The following FAM204A variants were observed in gnomAD, a reference collection of about 807,000 sequenced individuals.
The protein encoded by FAM204A is protein FAM204A.
In FAM204A, 16 loss-of-function variants were observed where a neutral mutation model predicts 35.4. That is an observed-to-expected ratio of 0.45 (90% CI 0.31 to 0.69). The LOEUF (loss-of-function observed/expected upper bound fraction) is 0.69. Among genes scored for constraint, FAM204A ranks in the 30% least tolerant of loss-of-function variants. The probability of loss-of-function intolerance (pLI) is 0.07; values close to 1 mark genes in which losing one functional copy is unlikely to be tolerated. For missense variants in FAM204A, 240 were observed against 265.7 expected, an observed-to-expected ratio of 0.90 and a Z score of 0.67; for synonymous variants, 76 against 86.9, an observed-to-expected ratio of 0.88 and a Z score of 0.70.
At chr10:118,325,050 T>G (rs1193316041) in intron 7 of FAM204A, among the ~76,000 whole-genome samples, 1 of 151,926 alleles carries the variant, frequency 6.6e-6, no homozygotes, top group Non-Finnish European at 1.5e-5. Context: ...GTATTTAATG[T>G]GACAAATGAT....
intron 7 of FAM204A, among the ~76,000 whole-genome samples, chr10:118,317,362 T>C (rs1846047721): frequency 6.6e-6 from 1 of 152,104 alleles, no homozygotes; most frequent in Non-Finnish European, 1.5e-5. Context: ...TTCTACAGTA[T>C]AAACTGTGCT....
In FAM204A at chr10:118,311,034, TA is replaced by T. The variant is rs1845944031; in HGVS notation, c.651-127del. 3 of 1,061,270 alleles carry T rather than the reference TA, an allele frequency of 2.8e-6. No individual in the cohort carries two copies. In the East Asian group the frequency reaches 7.4e-5, roughly 26 times the overall value. 65.7% of individuals were successfully genotyped at this position (1,061,270 alleles called of 1,614,324 possible). A position where few individuals can be genotyped will look rare whatever the true frequency, so the allele number is the denominator to read the frequency against. Reference sequence around the variant, plus strand: ...TTCACATACTCCAATGATTACAAAATAAACATTAAACAGGATGAAGAAATGC... The same window carrying T: ...TTCACATACTCCAATGATTACAAAATAACATTAAACAGGATGAAGAAATGC... On this transcript the variant is annotated intron_variant, in intron 8 of 8. Coordinates refer to ENST00000369183, the MANE Select transcript of FAM204A (RefSeq NM_022063.3).
chr10:118,327,357 C>G (rs76145857), intron 6 of FAM204A, among the ~76,000 whole-genome samples: 1 of 152,174 alleles, frequency 6.6e-6, no homozygotes, highest in Non-Finnish European at 1.5e-5. Context: ...AGACCAGTGA[C>G]GCTGTCACTG....
At chr10:118,327,648 C>T (rs1404224964) in intron 6 of FAM204A, among the ~76,000 whole-genome samples, 5 of 152,318 alleles carry the variant, frequency 3.3e-5, no homozygotes, top group African/African-American at 9.6e-5. Context: ...ACTTGATGCA[C>T]TTCAGAAATC....
chr10:118,317,745 T>A (rs140151634), intron 7 of FAM204A, among the ~76,000 whole-genome samples: 1 of 152,192 alleles, frequency 6.6e-6, no homozygotes, highest in African/African-American at 2.4e-5. Flanking sequence ...GTGCCAATTG[T>A]TGATCTACAT....
intron 7 of FAM204A, among the ~76,000 whole-genome samples, chr10:118,320,406 G>A (rs1425073374): frequency 6.6e-6 from 1 of 151,654 alleles, no homozygotes; most frequent in Non-Finnish European, 1.5e-5. Flanking sequence ...AAATTGGTAT[G>A]ATTTAAACAA....
chr10:118,314,943 G>A (rs1198838409), intron 7 of FAM204A, among the ~76,000 whole-genome samples: 1 of 151,854 alleles, frequency 6.6e-6, no homozygotes, highest in Non-Finnish European at 1.5e-5. Flanking sequence ...AGGAACCAAG[G>A]GTGTAAAATG....
At chr10:118,340,067 G>A (rs1846450404) in intron 2 of FAM204A, among the ~76,000 whole-genome samples, 1 of 152,128 alleles carries the variant, frequency 6.6e-6, no homozygotes. Context: ...ATTTCAAAAA[G>A]CCCAAACTAT....
chr10:118,329,234 T>C (rs1846250207), intron 6 of FAM204A, among the ~76,000 whole-genome samples: 1 of 152,184 alleles, frequency 6.6e-6, no homozygotes. Context: ...GGACACGTGA[T>C]CCCTTATTTG....
At chr10:118,315,961 C>T (rs975759435) in intron 7 of FAM204A, among the ~76,000 whole-genome samples, 2 of 152,072 alleles carry the variant, frequency 1.3e-5, no homozygotes, top group Admixed American at 1.3e-4. Context: ...AGCAAAAAGT[C>T]GGCACAAATT....
chr10:118,315,679 A>C (rs1220986941), intron 7 of FAM204A, among the ~76,000 whole-genome samples: 1 of 152,174 alleles, frequency 6.6e-6, no homozygotes, highest in Non-Finnish European at 1.5e-5. Context: ...ACTCAAGCTC[A>C]ACATTAATGT....
intron 6 of FAM204A, among the ~76,000 whole-genome samples, chr10:118,333,756 G>T (rs948279528): frequency 3.9e-5 from 6 of 152,130 alleles, no homozygotes; most frequent in African/African-American, 1.4e-4. Flanking sequence ...AACTTCCTTA[G>T]CCAGATGTAA....
intron 7 of FAM204A, among the ~76,000 whole-genome samples, chr10:118,316,761 A>C (rs1028498394): frequency 1.3e-5 from 2 of 152,122 alleles, no homozygotes; most frequent in South Asian, 4.1e-4. Context: ...GTATATGTGC[A>C]TATATGATTC....
At position 118,310,627 on chromosome 10, in the gene FAM204A, A is replaced by AT. The variant is rs563082921; in HGVS notation, c.*229dup. ...CAAAATCCTATCCTCTTCTTTCTATATTTTTTTTCTTACATTTCTTATACA... is the reference window on the plus strand; with the variant it reads ...CAAAATCCTATCCTCTTCTTTCTATATTTTTTTTTCTTACATTTCTTATACA... On this transcript the variant is annotated 3_prime_UTR_variant, in exon 9 of 9. Transcript: ENST00000369183. The AT allele has an allele frequency of 2.2e-5, 11 of 492,518 alleles. No homozygotes were observed. Among genetic ancestry groups the AT allele is most frequent in the Middle Eastern group, 5.4e-4 (1 of 1,858 alleles). The allele number at this position is 492,518 out of a possible 1,614,324, so 30.5% of individuals were successfully genotyped here.
Position 118,302,937 on chromosome 10 carries a change from T to A in FAM204A, c.*7920A>T, listed in dbSNP as rs1412962936. ...CTAATTACAGAGGAGCTTTTGAAAA[T>A]GTGGAATCCCAGGCCCTGCCCCCAG... On this transcript the variant is annotated 3_prime_UTR_variant, in exon 9 of 9. Coordinates refer to ENST00000369183, the MANE Select transcript of FAM204A (RefSeq NM_022063.3). 1 of 152,160 alleles carries A rather than the reference T, an allele frequency of 6.6e-6. No homozygotes were observed. The highest frequency in any genetic ancestry group is 1.5e-5 in the Non-Finnish European group (1 of 68,030). 9.4% of individuals were successfully genotyped at this position (152,160 alleles called of 1,614,324 possible).
intron 7 of FAM204A, among the ~76,000 whole-genome samples, chr10:118,317,826 C>T (rs1171152286): frequency 6.6e-6 from 1 of 151,888 alleles, no homozygotes; most frequent in African/African-American, 2.4e-5. Flanking sequence ...CCTTTAAAAG[C>T]CCCCCAGATA....
At chr10:118,340,295 T>C (rs1038507872) in intron 2 of FAM204A, among the ~76,000 whole-genome samples, 19 of 152,180 alleles carry the variant, frequency 1.2e-4, no homozygotes, top group Non-Finnish European at 1.3e-4. Context: ...CGTTCTAGAT[T>C]GTGCACTGGT....
At chr10:118,314,474 T>A (rs1403879614) in intron 7 of FAM204A, among the ~76,000 whole-genome samples, 1 of 152,192 alleles carries the variant, frequency 6.6e-6, no homozygotes, top group Non-Finnish European at 1.5e-5. Flanking sequence ...AATAAGACCT[T>A]CTATGAAAGA....
At chr10:118,327,231 C>T (rs941210425) in intron 6 of FAM204A, among the ~76,000 whole-genome samples, 1 of 152,206 alleles carries the variant, frequency 6.6e-6, no homozygotes, top group Non-Finnish European at 1.5e-5. Flanking sequence ...TCTCTTCCAT[C>T]AGTCTATTGT....
Sources: allele counts gnomAD v4.1 joint callset (sites outside exome capture counted in the v4.1 genomes callset), GRCh38; gene constraint gnomAD v4.1.1; transcripts MANE v1.5; gene names NCBI Gene and HGNC (gene_info 2026-07-23, HGNC 2026-07-21).